The following TRPM3 variants were observed in gnomAD, a reference collection of about 807,000 sequenced individuals.
The protein encoded by TRPM3 is transient receptor potential cation channel subfamily M member 3.
TRPM3 carries 77 observed loss-of-function variants against 181.2 expected under a neutral mutation model. The ratio of observed to expected loss-of-function variants is 0.42; its 90% CI spans 0.35 to 0.51. The LOEUF (loss-of-function observed/expected upper bound fraction) is 0.51. Among genes scored for constraint, TRPM3 ranks in the 20% least tolerant of loss-of-function variants. TRPM3 has a pLI of 0.01. For synonymous variants in TRPM3, 745 were observed against 796.4 expected (o/e 0.94, Z 1.09); for missense variants, 1,759 against 2,196.7 (o/e 0.80, Z 3.98).
intron 1 of TRPM3, among the ~76,000 whole-genome samples, chr9:71,353,083 T>A (rs888119202): frequency 6.6e-6 from 1 of 152,152 alleles, no homozygotes; most frequent in Admixed American, 6.5e-5. Context: ...CAGCTGGCTC[T>A]AGATTCTTAC....
Position 71,193,334 on chromosome 9 carries a change from C to G in TRPM3, c.183+253319G>C, listed in dbSNP as rs2135019216. On this transcript the variant is annotated intron_variant, in intron 1 of 24. Coordinates refer to the TRPM3 transcript ENST00000357533. ...AAAAAGTCACCAGTGTCCTGTGGGA[C>G]TCCACTCAGTATTTGACCCTGTTGT... Among the ~76,000 whole-genome samples the G allele has an allele frequency of 2.0e-5, 3 of 151,850 alleles. No homozygotes were observed. The South Asian group carries it at 6.2e-4, about 32-fold the overall frequency.
chr9:71,355,751 G>A (rs536776501), intron 1 of TRPM3, among the ~76,000 whole-genome samples: 1 of 152,186 alleles, frequency 6.6e-6, no homozygotes, highest in East Asian at 1.9e-4. Context: ...CCATGGATGT[G>A]GATACAGAGC....
intron 1 of TRPM3, among the ~76,000 whole-genome samples, chr9:71,425,173 C>G (rs1476301686): frequency 6.6e-6 from 1 of 152,020 alleles, no homozygotes; most frequent in African/African-American, 2.4e-5. Flanking sequence ...TTCCTAGACC[C>G]CCTTATTTTC....
At chr9:71,075,970 C>A (rs1384845134) in intron 1 of TRPM3, among the ~76,000 whole-genome samples, 1 of 152,112 alleles carries the variant, frequency 6.6e-6, no homozygotes, top group Non-Finnish European at 1.5e-5. Flanking sequence ...ACTTTAGTCC[C>A]AATCCTTGAT....
At chr9:71,359,303 A>G (rs1588658643) in intron 1 of TRPM3, among the ~76,000 whole-genome samples, 1 of 152,328 alleles carries the variant, frequency 6.6e-6, no homozygotes, top group East Asian at 1.9e-4. Flanking sequence ...GTATGTGCGC[A>G]TGCATGCACG....
chr9:70,613,132 G>A (rs1472747433), intron 18 of TRPM3, among the ~76,000 whole-genome samples: 1 of 152,182 alleles, frequency 6.6e-6, no homozygotes, highest in Non-Finnish European at 1.5e-5. Context: ...TGTCTTTCAC[G>A]GGTTTAAGTA....
intron 22 of TRPM3, among the ~76,000 whole-genome samples, chr9:70,563,940 T>C (rs866838197): frequency 1.3e-5 from 2 of 152,196 alleles, no homozygotes; most frequent in South Asian, 2.1e-4. Flanking sequence ...GCACTTACAG[T>C]CAGTCTTTAT....
intron 1 of TRPM3, among the ~76,000 whole-genome samples, chr9:70,982,442 T>C (rs2097372589): frequency 6.6e-6 from 1 of 152,180 alleles, no homozygotes. Flanking sequence ...CCTGGTAGAT[T>C]AAAATAGCTG....
At chr9:70,675,837 C>G (rs56335964) in intron 9 of TRPM3, among the ~76,000 whole-genome samples, 1 of 151,988 alleles carries the variant, frequency 6.6e-6, no homozygotes, top group Non-Finnish European at 1.5e-5. Context: ...GTCTTTTTGA[C>G]ATGAAAGAAT....
chr9:71,174,030 C>T (rs374613967), intron 1 of TRPM3, among the ~76,000 whole-genome samples: 19 of 152,018 alleles, frequency 1.2e-4, no homozygotes, highest in African/African-American at 1.9e-4. Context: ...CAGTGATAGC[C>T]GACTCTGCAT....
intron 1 of TRPM3, among the ~76,000 whole-genome samples, chr9:71,306,277 A>T (rs368534839): frequency 6.6e-6 from 1 of 152,172 alleles, no homozygotes; most frequent in Admixed American, 6.5e-5. Context: ...ATCCCTGAAG[A>T]TAGGTTCTTG....
At chr9:71,026,493 C>G (rs1284123467) in intron 1 of TRPM3, among the ~76,000 whole-genome samples, 1 of 152,188 alleles carries the variant, frequency 6.6e-6, no homozygotes, top group Non-Finnish European at 1.5e-5. Context: ...TGGCCACCAC[C>G]CACATTGTTT....
chr9:71,022,706 CA>C (rs911890321), intron 1 of TRPM3, among the ~76,000 whole-genome samples: 1 of 151,232 alleles, frequency 6.6e-6, no homozygotes, highest in African/African-American at 2.4e-5. Context: ...TCAAAATAAA[CA>C]AAATAAAATA....
At chr9:70,668,449 G>A (rs1045411079) in intron 9 of TRPM3, among the ~76,000 whole-genome samples, 13 of 152,016 alleles carry the variant, frequency 8.6e-5, no homozygotes, top group African/African-American at 3.1e-4. Context: ...CGGATCACGA[G>A]GTCAGGAGAT....
intron 1 of TRPM3, among the ~76,000 whole-genome samples, chr9:71,321,633 G>C (rs1565459953): frequency 6.6e-6 from 1 of 152,098 alleles, no homozygotes; most frequent in Non-Finnish European, 1.5e-5. Flanking sequence ...ATGTTTCATT[G>C]ATGAAATGAT....
intron 24 of TRPM3, among the ~76,000 whole-genome samples, chr9:70,552,207 G>A (rs2046636266): frequency 6.6e-6 from 1 of 152,198 alleles, no homozygotes; most frequent in African/African-American, 2.4e-5. Context: ...GGAGTCACCA[G>A]TATTTAATGT....
Position 70,681,559 on chromosome 9 carries a change from C to T in TRPM3, c.1292G>A (p.Gly431Glu), listed in dbSNP as rs1453248366. 13 of 1,613,782 alleles carry T rather than the reference C, an allele frequency of 8.1e-6. No homozygotes were observed. The highest frequency in any genetic ancestry group is 1.1e-5 in the Non-Finnish European group (13 of 1,179,776). The stretch of plus-strand genomic sequence containing the variant: ...ATCAATGTCCTGGTGTCCTTCTGAT[C>T]CCATCCGAAATACCGTAATCTGCAA... ...KKELITVFRM[G>E]SEGHQDIDLA... Residue 431 changes from glycine (G) to glutamate (E), a missense_variant, in exon 9 of 26, where the codon GGA becomes GAA. Around this residue, in one of 8 missense-constraint regions of TRPM3, gnomAD observed 737 missense variants for 957.4 expected, o/e 0.77. Coordinates refer to ENST00000677713, the MANE Select transcript of TRPM3 (RefSeq NM_001366145.2).
At position 70,551,987 on chromosome 9, in the gene TRPM3, C is replaced by T. The variant is rs542431252; in HGVS notation, c.3574+857G>A. 2.6e-5 allele frequency among the ~76,000 whole-genome samples: 4 copies of T among 152,188 alleles called. No homozygotes were observed. The East Asian group carries it at 5.8e-4, about 22-fold the overall frequency. On this transcript the variant is annotated intron_variant, in intron 24 of 25. Coordinates refer to ENST00000677713, the MANE Select transcript of TRPM3 (RefSeq NM_001366145.2). ...GATTTAGAGAAGCTGTTGACCAAAT[C>T]GTTTTGGTTTCAAACCTTAGATATA...
At chr9:71,124,183 T>C (rs2073893099), upstream of TRPM3, among the ~76,000 whole-genome samples, 3 of 152,230 alleles carry the variant, frequency 2.0e-5, no homozygotes, top group Admixed American at 2.0e-4. Flanking sequence ...GGACGCTTTG[T>C]GCCAGAATTG....
Sources: allele counts gnomAD v4.1 joint callset (sites outside exome capture counted in the v4.1 genomes callset), GRCh38; gene constraint gnomAD v4.1.1; regional missense constraint gnomAD v4.1.1; transcripts MANE v1.5; gene names NCBI Gene and HGNC (gene_info 2026-07-23, HGNC 2026-07-21).